L3HYPDH: variants seen among roughly 807,000 people sequenced by gnomAD.
L3HYPDH encodes trans-3-hydroxy-L-proline dehydratase.
Under a neutral mutation model 26.5 loss-of-function variants are expected in L3HYPDH, and 32 were observed. That is an observed-to-expected ratio of 1.21 (90% CI 0.91 to 1.62). The LOEUF (loss-of-function observed/expected upper bound fraction) is 1.62. Ranked by LOEUF, L3HYPDH falls within the 40% of genes most tolerant of loss-of-function variation. L3HYPDH has a pLI of 0.00. For synonymous variants in L3HYPDH, 215 were observed against 196.6 expected, an observed-to-expected ratio of 1.09 and a Z score of -0.78; for missense variants, 554 against 476.4, an observed-to-expected ratio of 1.16 and a Z score of -1.52.
chr14:59,497,433 CT>C, the L3HYPDH span, among the ~76,000 whole-genome samples: 6 of 152,164 alleles, frequency 3.9e-5, no homozygotes, highest in African/African-American at 1.2e-4. Flanking sequence ...CTTCCAGAAA[CT>C]AGTTTCCTAG....
At chr14:59,484,765 G>A (rs1890391800), upstream of L3HYPDH, 5 of 971,460 alleles carry the variant, frequency 5.1e-6, no homozygotes, top group Admixed American at 2.7e-5. Context: ...GGTTGGGGTG[G>A]TCTGTCCGCA....
intron 1 of L3HYPDH, chr14:59,483,591 C>T (rs1890218312): frequency 7.0e-7 from 1 of 1,430,408 alleles, no homozygotes; most frequent in South Asian, 1.5e-5. Context: ...AAGGGTCTCC[C>T]AAAACCACAG....
At chr14:59,495,813 A>T in the L3HYPDH span, among the ~76,000 whole-genome samples, 2 of 152,246 alleles carry the variant, frequency 1.3e-5, no homozygotes, top group Non-Finnish European at 2.9e-5. Context: ...CAAGTTCTTA[A>T]TAATAAAACA....
At chr14:59,473,112 AT>A in intron 4 of L3HYPDH, 22 bp from the exon 5 acceptor site, 1 of 1,571,576 alleles carries the variant, frequency 6.4e-7, no homozygotes. Flanking sequence ...TGAAGGGAGT[AT>A]ACTATCAAAA....
upstream of L3HYPDH, chr14:59,487,953 C>G: frequency 1.1e-6 from 1 of 903,898 alleles, no homozygotes; most frequent in Non-Finnish European, 1.7e-6. Context: ...TCTTTATCTT[C>G]AGATTATTCT....
intron 2 of L3HYPDH, among the ~76,000 whole-genome samples, chr14:59,478,428 CACAGA>C: frequency 6.6e-6 from 1 of 152,064 alleles, no homozygotes; most frequent in South Asian, 2.1e-4. Flanking sequence ...CTCACACAAA[CACAGA>C]TTTAGCTGGG....
At chr14:59,481,901 C>T (rs944887163) in intron 1 of L3HYPDH, among the ~76,000 whole-genome samples, 1 of 152,158 alleles carries the variant, frequency 6.6e-6, no homozygotes, top group African/African-American at 2.4e-5. Context: ...GAAAATTCCA[C>T]GTATGGGGAG....
At chr14:59,496,265 A>G in the L3HYPDH span, among the ~76,000 whole-genome samples, 1 of 150,644 alleles carries the variant, frequency 6.6e-6, no homozygotes, top group African/African-American at 2.4e-5. Context: ...TATAGCTATA[A>G]TTTATATATA....
At chr14:59,468,616 A>G (rs1284131621), downstream of L3HYPDH, among the ~76,000 whole-genome samples, 2 of 152,152 alleles carry the variant, frequency 1.3e-5, no homozygotes, top group Non-Finnish European at 2.9e-5. Context: ...CATGGTCTAT[A>G]ATTTTTTGCG....
intron 4 of L3HYPDH, among the ~76,000 whole-genome samples, chr14:59,473,668 G>A (rs1310401685): frequency 2.6e-5 from 4 of 152,248 alleles, no homozygotes; most frequent in East Asian, 3.9e-4. Context: ...GATTAAGAGC[G>A]TTATATTCAG....
upstream of L3HYPDH, chr14:59,484,697 G>T: frequency 7.2e-7 from 1 of 1,397,704 alleles, no homozygotes. Context: ...TTCGGTTGGC[G>T]GCGCAGGCTC....
At chr14:59,482,864 T>G (rs1260576876) in intron 1 of L3HYPDH, among the ~76,000 whole-genome samples, 1 of 152,236 alleles carries the variant, frequency 6.6e-6, no homozygotes, top group Non-Finnish European at 1.5e-5. Context: ...AACTGGCTCC[T>G]GGCTCACTTC....
At chr14:59,493,564 A>T in the L3HYPDH span, among the ~76,000 whole-genome samples, 9 of 152,224 alleles carry the variant, frequency 5.9e-5, no homozygotes, top group African/African-American at 1.9e-4. Flanking sequence ...GAAAACTCAA[A>T]ATCACCTATA....
intron 2 of L3HYPDH, among the ~76,000 whole-genome samples, chr14:59,476,654 G>A (rs916185355): frequency 1.3e-5 from 2 of 152,186 alleles, no homozygotes; most frequent in African/African-American, 2.4e-5. Flanking sequence ...TGAGTATCTA[G>A]AGCTGAAGTT....
At position 59,472,809 on chromosome 14, in the gene L3HYPDH, G is replaced by T; in HGVS notation, c.*156C>A. The T allele has an allele frequency of 1.8e-6, 1 of 555,456 alleles. No homozygotes were observed. The highest frequency in any genetic ancestry group is 2.9e-6 in the Non-Finnish European group (1 of 345,594). The allele number at this position is 555,456 out of a possible 1,614,324, so 34.4% of individuals were successfully genotyped here. A position where few individuals can be genotyped will look rare whatever the true frequency, so the allele number is the denominator to read the frequency against. Reference sequence around the variant, plus strand: ...ATACAAATACAGTTGCAAATACGAGGTATAATGACTTTATATTTAGCCACA... The same window carrying T: ...ATACAAATACAGTTGCAAATACGAGTTATAATGACTTTATATTTAGCCACA... On this transcript the variant is annotated 3_prime_UTR_variant, in exon 5 of 5. Transcript: ENST00000247194.
In L3HYPDH at chr14:59,472,872, G is replaced by T; in HGVS notation, c.*93C>A. 1 of 1,140,040 alleles carries T rather than the reference G, an allele frequency of 8.8e-7. No individual in the cohort carries two copies. The highest frequency in any genetic ancestry group is 1.2e-6 in the Non-Finnish European group (1 of 826,550). The allele number at this position is 1,140,040 out of a possible 1,614,324, so 70.6% of individuals were successfully genotyped here. Reference sequence around the variant, plus strand: ...ACAAAGAATGAGAGTTAGTTTATATGTATAATTTATTTGTTTTCATATAAT... The same window carrying T: ...ACAAAGAATGAGAGTTAGTTTATATTTATAATTTATTTGTTTTCATATAAT... On this transcript the variant is annotated 3_prime_UTR_variant, in exon 5 of 5. Transcript: ENST00000247194.
At chr14:59,500,298 C>T in the L3HYPDH span, among the ~76,000 whole-genome samples, 1 of 152,164 alleles carries the variant, frequency 6.6e-6, no homozygotes, top group Non-Finnish European at 1.5e-5. Flanking sequence ...CCTGAGTTAA[C>T]ATTTGAAATT....
downstream of L3HYPDH, among the ~76,000 whole-genome samples, chr14:59,471,351 T>G (rs1889306918): frequency 6.6e-6 from 1 of 152,186 alleles, no homozygotes; most frequent in Non-Finnish European, 1.5e-5. Context: ...ATACTAGACT[T>G]GGAGTCGGAA....
upstream of L3HYPDH, among the ~76,000 whole-genome samples, chr14:59,488,705 T>G (rs1420734397): frequency 6.6e-6 from 1 of 152,230 alleles, no homozygotes; most frequent in East Asian, 1.9e-4. Context: ...TTACTGATTT[T>G]CTTTTAGTTC....
Sources: gnomAD v4.1 joint callset for allele counts (sites outside exome capture counted in the v4.1 genomes callset) on GRCh38, gnomAD v4.1.1 for gene constraint, MANE v1.5 for transcripts, NCBI Gene and HGNC (gene_info 2026-07-23, HGNC 2026-07-21) for gene names.